The following DGAT1 variants were observed in gnomAD, a reference collection of about 807,000 sequenced individuals.
DGAT1 encodes the protein ACAT related gene product 1.
A neutral mutation model predicts 72.6 loss-of-function variants in DGAT1; 60 were observed. The observed-to-expected ratio is 0.83, with a 90% CI of 0.67 to 1.02. The LOEUF (loss-of-function observed/expected upper bound fraction) is 1.02. Among genes scored for constraint, DGAT1 ranks in the 50% least tolerant of loss-of-function variants. The probability of loss-of-function intolerance (pLI) is 0.00; values close to 1 mark genes in which losing one functional copy is unlikely to be tolerated. For missense variants in DGAT1, 592 were observed against 670.0 expected (o/e 0.88, Z 1.29); for synonymous variants, 290 against 267.5 (o/e 1.08, Z -0.82).
chr8:144,318,657 A>C, intron 5 of DGAT1, 42 bp downstream of exon 5: 1 of 1,607,066 alleles, frequency 6.2e-7, no homozygotes. Flanking sequence ...AGGAGCGCAC[A>C]CAGCAGGGTG....
intron 1 of DGAT1, among the ~76,000 whole-genome samples, chr8:144,322,510 C>T (rs1554848305): frequency 6.6e-6 from 1 of 152,216 alleles, no homozygotes; most frequent in Non-Finnish European, 1.5e-5. Flanking sequence ...CCAAGGCAAG[C>T]TGGCTAGGAT....
chr8:144,326,580 G>A lies in DGAT1; in HGVS notation c.57C>T (p.His19=), dbSNP rs1817600880. The A allele has an allele frequency of 8.0e-6, 10 of 1,245,126 alleles. No individual in the cohort carries two copies. Among genetic ancestry groups the A allele is most frequent in the Non-Finnish European group, 1.0e-5 (10 of 994,814 alleles). The allele number at this position is 1,245,126 out of a possible 1,614,324, so 77.1% of individuals were successfully genotyped here. Residue 19 remains histidine, a synonymous_variant, in exon 1 of 17, where the codon CAC becomes CAT. Transcript: ENST00000528718. ...RRRTGSRPSS[H]GGGGPAAAEE... ...CCGCCGCCGCAGGCCCGCCGCCGCC[G>A]TGGCTCGAGGGCCGCGACCCTGTCC...
chr8:144,315,212 A>G lies in DGAT1; in HGVS notation c.*1342T>C. On this transcript the variant is annotated 3_prime_UTR_variant, in exon 17 of 17. Coordinates refer to ENST00000528718, the MANE Select transcript of DGAT1 (RefSeq NM_012079.6). ...CACTGGCCAACTGATAGGGAGAGGC[A>G]CAGGAGCCCATGTGGGATGGAGGAG... 1.0e-6 allele frequency: 1 copy of G among 985,570 alleles called. No individual in the cohort carries two copies. Among genetic ancestry groups the G allele is most frequent in the Non-Finnish European group, 1.2e-6 (1 of 830,020 alleles). 61.1% of individuals were successfully genotyped at this position (985,570 alleles called of 1,614,324 possible). A position where few individuals can be genotyped will look rare whatever the true frequency, so the allele number is the denominator to read the frequency against.
Position 144,318,263 on chromosome 8 carries a change from G to C in DGAT1, c.674C>G (p.Ala225Gly). The change falls in exon 7 of 17, where the codon GCT (alanine) becomes GGT (glycine). Residue 225 changes from alanine (A) to glycine (G), a missense_variant and splice_region_variant. Transcript: ENST00000528718. ...NSWCRRARAK[A>G]ASAGKKASSA... ...CCCAGCCCCTGGCAGCCCCTCACCA[G>C]CCTTGGCCCTGGCCCTGCGGCACCA... The C allele has an allele frequency of 1.9e-6, 3 of 1,612,558 alleles. No individual in the cohort carries two copies. The highest frequency in any genetic ancestry group is 2.5e-6 in the Non-Finnish European group (3 of 1,179,764).
chr8:144,320,692 G>A (rs911863115), intron 2 of DGAT1, among the ~76,000 whole-genome samples: 9 of 152,148 alleles, frequency 5.9e-5, no homozygotes, highest in Admixed American at 3.9e-4. Context: ...AGTGCCAGTG[G>A]GAACCAGGCC....
rs963257031 is a variant in DGAT1 at position 144,315,083 on chromosome 8, A to G, written c.*1471T>C. 4.1e-6 allele frequency: 4 copies of G among 985,378 alleles called. No homozygotes were observed. In the African/African-American group the frequency reaches 5.2e-5, roughly 13 times the overall value. 61.0% of individuals were successfully genotyped at this position (985,378 alleles called of 1,614,324 possible). On this transcript the variant is annotated 3_prime_UTR_variant, in exon 17 of 17. Coordinates refer to ENST00000528718, the MANE Select transcript of DGAT1 (RefSeq NM_012079.6). Reference sequence around the variant, plus strand: ...GAACGGGAGCCTGTCCCGTAGCTTTAGGGTTCTCCACTCAGCCTGGTGGAG... The same window carrying G: ...GAACGGGAGCCTGTCCCGTAGCTTTGGGGTTCTCCACTCAGCCTGGTGGAG...
In DGAT1 at chr8:144,326,690, G is replaced by C. The variant is rs1314707560; in HGVS notation, c.-54C>G. On this transcript the variant is annotated 5_prime_UTR_variant, in exon 1 of 17. Coordinates refer to ENST00000528718, the MANE Select transcript of DGAT1 (RefSeq NM_012079.6). ...AGCGTGGGCCCGCCGGGTTCGTAGCGCCCGAGGCGCGCGGCCCCACCTCCG... is the reference window on the plus strand; with the variant it reads ...AGCGTGGGCCCGCCGGGTTCGTAGCCCCCGAGGCGCGCGGCCCCACCTCCG... 1.8e-5 allele frequency: 21 copies of C among 1,135,662 alleles called. No homozygotes were observed. In the African/African-American group the frequency reaches 2.0e-4, roughly 11 times the overall value. 70.3% of individuals were successfully genotyped at this position (1,135,662 alleles called of 1,614,324 possible). A position where few individuals can be genotyped will look rare whatever the true frequency, so the allele number is the denominator to read the frequency against.
In DGAT1 at chr8:144,318,607, C is replaced by T. The variant is rs782248580; in HGVS notation, c.469-41G>A. 11 of 1,605,988 alleles carry T rather than the reference C, an allele frequency of 6.8e-6. No individual in the cohort carries two copies. The South Asian group carries it at 1.2e-4, about 18-fold the overall frequency. On this transcript the variant is annotated intron_variant, in intron 5 of 16. Coordinates refer to ENST00000528718, the MANE Select transcript of DGAT1 (RefSeq NM_012079.6). ...GAGCACTCAACCAGGGCTCCCATTG[C>T]CTGGGAGAGGGCTGCCAGGCCTGGG... is the stretch of plus-strand genomic sequence containing the variant.
intron 1 of DGAT1, 145 bp downstream of exon 1, chr8:144,326,292 C>T (rs1375436591): frequency 6.4e-6 from 5 of 777,450 alleles, no homozygotes; most frequent in Non-Finnish European, 8.8e-6. Context: ...CCCCAAGCCT[C>T]AGTTTCCCCA....
In DGAT1 at chr8:144,316,027, G is replaced by C. The variant is rs748948743; in HGVS notation, c.*527C>G. On this transcript the variant is annotated 3_prime_UTR_variant, in exon 17 of 17. Transcript: ENST00000528718. ...GCAAGTTGACCATCCTGCACTGAGG[G>C]CCAGAGTGCCGATTCCCGCACACCC... The C allele has an allele frequency of 4.5e-5, 34 of 750,330 alleles. No individual in the cohort carries two copies. The highest frequency in any genetic ancestry group is 5.4e-5 in the Non-Finnish European group (33 of 613,822). The allele number at this position is 750,330 out of a possible 1,614,324, so 46.5% of individuals were successfully genotyped here.
At position 144,317,901 on chromosome 8, in the gene DGAT1, C is replaced by T; in HGVS notation, c.855+13G>A. 6.5e-7 allele frequency: 1 copy of T among 1,530,676 alleles called. No homozygotes were observed. Among genetic ancestry groups the T allele is most frequent in the South Asian group, 1.3e-5 (1 of 77,476 alleles). 94.8% of individuals were successfully genotyped at this position (1,530,676 alleles called of 1,614,324 possible). ...CCTAGCCTCCAGTGGCTGCCCCCAGCCCCCAACCTCACCATCTCAAGGATC... is the reference window on the plus strand; with the variant it reads ...CCTAGCCTCCAGTGGCTGCCCCCAGTCCCCAACCTCACCATCTCAAGGATC... On this transcript the variant is annotated intron_variant, in intron 9 of 16. Coordinates refer to ENST00000528718, the MANE Select transcript of DGAT1 (RefSeq NM_012079.6).
chr8:144,324,444 C>T (rs548220186), intron 1 of DGAT1, among the ~76,000 whole-genome samples: 87 of 152,298 alleles, frequency 5.7e-4, no homozygotes, highest in African/African-American at 1.9e-3. Flanking sequence ...GTGGCCGAGC[C>T]CTGCTGCATC....
Position 144,321,317 on chromosome 8 carries a change from T to C in DGAT1, c.288+4A>G. 1 of 1,613,784 alleles carries C rather than the reference T, an allele frequency of 6.2e-7. No individual in the cohort carries two copies. Among genetic ancestry groups the C allele is most frequent in the South Asian group, 1.1e-5 (1 of 91,082 alleles). ...ACCCGCTCCCGACACCATGTCCCAC[T>C]CACCAGCATCACCACACACCAGTTC... On this transcript the variant is annotated splice_donor_region_variant and intron_variant, in intron 2 of 16. Transcript: ENST00000528718.
intron 1 of DGAT1, among the ~76,000 whole-genome samples, chr8:144,325,370 G>A (rs1211531148): frequency 6.6e-5 from 10 of 152,208 alleles, no homozygotes; most frequent in African/African-American, 2.2e-4. Flanking sequence ...AGCACCCTGA[G>A]GGCCACGACA....
In DGAT1 at chr8:144,326,458, C is replaced by T. The variant is rs1319932149; in HGVS notation, c.179G>A (p.Gly60Asp). 2.2e-6 allele frequency: 3 copies of T among 1,352,978 alleles called. No individual in the cohort carries two copies. The allele number at this position is 1,352,978 out of a possible 1,614,324, so 83.8% of individuals were successfully genotyped here. ...APNKDGDAGV[G>D]SGHWELRCHR... Reference sequence around the variant, plus strand: ...CTACCTCAGCTCCCAGTGGCCGCTGCCCACGCCGGCGTCTCCGTCCTTGTT... The same window carrying T: ...CTACCTCAGCTCCCAGTGGCCGCTGTCCACGCCGGCGTCTCCGTCCTTGTT... The change falls in exon 1 of 17, where the codon GGC (glycine) becomes GAC (aspartate). Residue 60 changes from glycine to aspartate, a missense_variant. Physicochemically the swap from Gly to Asp is moderately conservative, Grantham distance 94. Coordinates refer to ENST00000528718, the MANE Select transcript of DGAT1 (RefSeq NM_012079.6).
At chr8:144,320,064 G>A (rs571104602) in intron 2 of DGAT1, among the ~76,000 whole-genome samples, 1 of 152,262 alleles carries the variant, frequency 6.6e-6, no homozygotes, top group Non-Finnish European at 1.5e-5. Flanking sequence ...GGCCCACACT[G>A]TCACTGGCCT....
chr8:144,316,411 C>T lies in DGAT1; in HGVS notation c.*143G>A. ...CCCTGAGGGGTGCAGGACAGAGCCCCATAGGGGCAGAGAGGCCTCCCTGGG... is the reference window on the plus strand; with the variant it reads ...CCCTGAGGGGTGCAGGACAGAGCCCTATAGGGGCAGAGAGGCCTCCCTGGG... On this transcript the variant is annotated 3_prime_UTR_variant, in exon 17 of 17. Transcript: ENST00000528718. 9.4e-7 allele frequency: 1 copy of T among 1,065,500 alleles called. No individual in the cohort carries two copies. Among genetic ancestry groups the T allele is most frequent in the Admixed American group, 2.7e-5 (1 of 37,042 alleles). The allele number at this position is 1,065,500 out of a possible 1,614,324, so 66.0% of individuals were successfully genotyped here. A position where few individuals can be genotyped will look rare whatever the true frequency, so the allele number is the denominator to read the frequency against.
chr8:144,326,432 G>A lies in DGAT1; in HGVS notation c.200+5C>T, dbSNP rs1274153163. The A allele has an allele frequency of 5.8e-6, 8 of 1,384,224 alleles. No homozygotes were observed. In the Admixed American group the frequency reaches 1.2e-4, roughly 21 times the overall value. 85.7% of individuals were successfully genotyped at this position (1,384,224 alleles called of 1,614,324 possible). On this transcript the variant is annotated splice_donor_5th_base_variant and intron_variant, in intron 1 of 16. Transcript: ENST00000528718. ...CAGAGGTTAGGGGGTCAGGCGCTCC[G>A]CTACCTCAGCTCCCAGTGGCCGCTG...
At chr8:144,325,249 G>A (rs1377618219) in intron 1 of DGAT1, among the ~76,000 whole-genome samples, 1 of 151,934 alleles carries the variant, frequency 6.6e-6, no homozygotes, top group Non-Finnish European at 1.5e-5. Flanking sequence ...ACCCCTCTCA[G>A]GAGGGCCACC....
Sources: gnomAD v4.1 joint callset for allele counts (sites outside exome capture counted in the v4.1 genomes callset) on GRCh38, gnomAD v4.1.1 for gene constraint, MANE v1.5 for transcripts, NCBI Gene and HGNC (gene_info 2026-07-23, HGNC 2026-07-21) for gene names.